Variants in ACADM observed in about 807,000 individuals in gnomAD.
The protein encoded by ACADM is acyl-CoA dehydrogenase medium chain.
A neutral mutation model predicts 58.9 loss-of-function variants in ACADM; 49 were observed. The ratio of observed to expected loss-of-function variants is 0.83; its 90% confidence interval spans 0.66 to 1.06. The LOEUF (loss-of-function observed/expected upper bound fraction) is 1.06. Among genes scored for constraint, ACADM ranks in the 50% least tolerant of loss-of-function variants. The probability of loss-of-function intolerance (pLI) is 0.00; values close to 1 mark genes in which losing one functional copy is unlikely to be tolerated. For synonymous variants in ACADM, 160 were observed against 157.7 expected (o/e 1.01, Z -0.11); for missense variants, 496 against 507.0 (o/e 0.98, Z 0.21).
Position 75,726,190 on chromosome 1 carries a change from T to C in ACADM, c.30+1373T>C, listed in dbSNP as rs12042303. ...TGGGAGGCCTCGGCGGGTTGATCAC[T>C]TAAGGCCAGGAGTTCGAGACCAGCC... On this transcript the variant is annotated intron_variant, in intron 1 of 11. Transcript: ENST00000370841. Among the ~76,000 whole-genome samples, 597 of 152,226 alleles carry C rather than the reference T, an allele frequency of 3.9e-3. 34 individuals are homozygous for C. In the East Asian group the frequency reaches 0.1, roughly 26 times the overall value.
chr1:75,742,291 T>C (rs1205383788), intron 7 of ACADM, among the ~76,000 whole-genome samples: 2 of 152,100 alleles, frequency 1.3e-5, no homozygotes, highest in East Asian at 3.9e-4. Flanking sequence ...TCCAAGGAAT[T>C]CCAATGATTG....
intron 8 of ACADM, among the ~76,000 whole-genome samples, chr1:75,747,326 ATACAG>A (rs1180070901): frequency 7.0e-6 from 1 of 143,114 alleles, no homozygotes; most frequent in Non-Finnish European, 1.5e-5. Context: ...TGCATACTAT[ATACAG>A]TATTCTATCT....
At chr1:75,729,263 A>AT (rs1272408067) in intron 2 of ACADM, among the ~76,000 whole-genome samples, 1 of 115,202 alleles carries the variant, frequency 8.7e-6, no homozygotes, top group Non-Finnish European at 1.9e-5. Context: ...ATTTAATGAA[A>AT]TTTTTCTTTT....
chr1:75,752,771 G>T, intron 10 of ACADM, among the ~76,000 whole-genome samples: 1 of 151,852 alleles, frequency 6.6e-6, no homozygotes, highest in Admixed American at 6.6e-5. Context: ...ATCTTTCAAG[G>T]TGTATTGTGT....
chr1:75,727,168 G>A (rs1647069500), intron 1 of ACADM, among the ~76,000 whole-genome samples: 1 of 152,068 alleles, frequency 6.6e-6, no homozygotes, highest in African/African-American at 2.4e-5. Context: ...TACTCTGTAT[G>A]TTTTTATTAC....
chr1:75,738,521 G>T (rs1570873935), intron 6 of ACADM, among the ~76,000 whole-genome samples: 1 of 152,134 alleles, frequency 6.6e-6, no homozygotes, highest in Non-Finnish European at 1.5e-5. Context: ...CAGCCACCAC[G>T]CCCGGCCCTA....
chr1:75,732,938 A>C lies in ACADM; in HGVS notation c.286+16A>C. On this transcript the variant is annotated intron_variant, in intron 4 of 11. Coordinates refer to ENST00000370841, the MANE Select transcript of ACADM (RefSeq NM_000016.6). ...GAGAACTGTGGTAAGCTTTCTTTATATTTTTAATACTGGAATGCATATGAG... is the reference window on the plus strand; with the variant it reads ...GAGAACTGTGGTAAGCTTTCTTTATCTTTTTAATACTGGAATGCATATGAG... 6.2e-7 allele frequency: 1 copy of C among 1,613,548 alleles called. No homozygotes were observed. Among genetic ancestry groups the C allele is most frequent in the Middle Eastern group, 1.7e-4 (1 of 6,058 alleles).
intron 10 of ACADM, among the ~76,000 whole-genome samples, chr1:75,758,954 A>G (rs1557464826): frequency 6.6e-6 from 1 of 152,176 alleles, no homozygotes; most frequent in South Asian, 2.1e-4. Context: ...TGCTCTTCAC[A>G]ATAAATCTTG....
chr1:75,742,507 C>T (rs1468561118), intron 7 of ACADM, among the ~76,000 whole-genome samples: 1 of 152,178 alleles, frequency 6.6e-6, no homozygotes, highest in Non-Finnish European at 1.5e-5. Flanking sequence ...ACTTGAAAAG[C>T]TCAAGGCAAT....
intron 6 of ACADM, among the ~76,000 whole-genome samples, chr1:75,739,046 A>G (rs901232956): frequency 6.6e-6 from 1 of 152,158 alleles, no homozygotes; most frequent in Non-Finnish European, 1.5e-5. Flanking sequence ...GAATTTACAT[A>G]CTGTGGAACT....
chr1:75,734,059 C>T (rs946122419), intron 5 of ACADM, among the ~76,000 whole-genome samples: 17 of 152,100 alleles, frequency 1.1e-4, no homozygotes, highest in African/African-American at 3.6e-4. Context: ...GATCTTGGCT[C>T]ACTGCAACCT....
At chr1:75,759,088 C>G (rs1648676904) in intron 10 of ACADM, among the ~76,000 whole-genome samples, 1 of 152,160 alleles carries the variant, frequency 6.6e-6, no homozygotes, top group Non-Finnish European at 1.5e-5. Flanking sequence ...ACTCTGGACA[C>G]ATCTGAAGGA....
intron 7 of ACADM, chr1:75,744,771 G>C (rs1647794275): frequency 1.5e-6 from 1 of 663,630 alleles, no homozygotes; most frequent in South Asian, 1.6e-5. Flanking sequence ...GACCGGGACA[G>C]CATCACGGCG....
chr1:75,727,662 A>G (rs1647077345), intron 1 of ACADM, among the ~76,000 whole-genome samples: 1 of 152,152 alleles, frequency 6.6e-6, no homozygotes, highest in Admixed American at 6.5e-5. Flanking sequence ...TAAGACAAGT[A>G]GTGTATTAGT....
At chr1:75,733,350 A>G (rs556967616) in intron 4 of ACADM, 178 bp from the exon 5 acceptor site, 221 of 989,448 alleles carry the variant, frequency 2.2e-4, no homozygotes, top group South Asian at 7.9e-4. Context: ...TGAAAATTTT[A>G]GAGCTTTAAG....
intron 8 of ACADM, 121 bp downstream of exon 8, chr1:75,746,035 T>C (rs1345832436): frequency 1.1e-5 from 8 of 738,996 alleles, no homozygotes; most frequent in East Asian, 2.7e-5. Context: ...AATAAAGCTA[T>C]GTTTTGATGA....
intron 6 of ACADM, among the ~76,000 whole-genome samples, chr1:75,738,926 T>A (rs1055196856): frequency 6.6e-5 from 10 of 152,188 alleles, no homozygotes; most frequent in Admixed American, 5.9e-4. Context: ...GAGGCTCCCC[T>A]GTTTCTACCA....
In ACADM at chr1:75,763,017, G is replaced by C. The variant is rs1648937470; in HGVS notation, c.*254G>C. 3.5e-6 allele frequency: 1 copy of C among 285,326 alleles called. No homozygotes were observed. The highest frequency in any genetic ancestry group is 2.2e-5 in the African/African-American group (1 of 45,610). 17.7% of individuals were successfully genotyped at this position (285,326 alleles called of 1,614,324 possible). On this transcript the variant is annotated 3_prime_UTR_variant, in exon 12 of 12. Transcript: ENST00000370841. ...TTACATTAACCTAGAAAACTACATAGGTTATTTTGATCTCTTAAGATTAAT... is the reference window on the plus strand; with the variant it reads ...TTACATTAACCTAGAAAACTACATACGTTATTTTGATCTCTTAAGATTAAT...
At chr1:75,731,278 CAAAAAAAAAAAAA>C (rs56885972) in intron 2 of ACADM, among the ~76,000 whole-genome samples, 4 of 64,932 alleles carry the variant, frequency 6.2e-5, no homozygotes, top group East Asian at 6.3e-4. Context: ...GACTCCGTCT[CAAAAAAAAAAAAA>C]AAAAAAAAAA....
Sources: allele counts gnomAD v4.1 joint callset (sites outside exome capture counted in the v4.1 genomes callset), GRCh38; gene constraint gnomAD v4.1.1; transcripts MANE v1.5; gene names NCBI Gene and HGNC (gene_info 2026-07-23, HGNC 2026-07-21).